The following TM7SF3 variants were observed in gnomAD, a reference collection of about 807,000 sequenced individuals.
TM7SF3 encodes transmembrane 7 superfamily member 3.
A neutral mutation model predicts 65.5 loss-of-function variants in TM7SF3; 60 were observed. The ratio of observed to expected loss-of-function variants is 0.92; its 90% CI spans 0.74 to 1.14. The LOEUF (loss-of-function observed/expected upper bound fraction) is 1.14. Ranked by LOEUF, TM7SF3 falls within the 50% of genes most tolerant of loss-of-function variation. The pLI is 0.00. For missense variants in TM7SF3, 623 were observed against 684.8 expected (o/e 0.91, Z 1.01); for synonymous variants, 264 against 259.6 (o/e 1.02, Z -0.16).
At chr12:27,004,452 G>A (rs1940954667) in intron 1 of TM7SF3, among the ~76,000 whole-genome samples, 1 of 152,158 alleles carries the variant, frequency 6.6e-6, no homozygotes, top group South Asian at 2.1e-4. Context: ...TCCCATAGTG[G>A]AACTGTCATG....
rs1163076032 is a variant in TM7SF3, at chr12:26,979,936, AC to A, written c.1037-1del. 10 of 1,613,990 alleles carry A rather than the reference AC, an allele frequency of 6.2e-6. No homozygotes were observed. The highest frequency in any genetic ancestry group is 8.5e-6 in the Non-Finnish European group (10 of 1,180,018). On this transcript the variant is annotated splice_acceptor_variant, in intron 8 of 11. Coordinates refer to ENST00000343028, the MANE Select transcript of TM7SF3 (RefSeq NM_016551.3). LOFTEE classifies it high-confidence loss of function. ...AGTGACAGCTGTCAGAATCAGATTC[AC>A]TGTACAAAGAGAGAGGATGAACTGC...
chr12:26,979,219 T>C (rs190471642), intron 9 of TM7SF3: 2 of 152,384 alleles, frequency 1.3e-5, no homozygotes, highest in East Asian at 3.9e-4. Flanking sequence ...TTTTGTTTGT[T>C]TTTGACAATA....
chr12:26,972,696 C>T lies in TM7SF3; in HGVS notation c.*1269G>A, dbSNP rs370197074. Among the ~76,000 whole-genome samples, 31 of 152,092 alleles carry T rather than the reference C, an allele frequency of 2.0e-4. No individual in the cohort carries two copies. Among genetic ancestry groups the T allele is most frequent in the African/African-American group, 6.7e-4 (28 of 41,506 alleles). On this transcript the variant is annotated 3_prime_UTR_variant, in exon 12 of 12. Coordinates refer to ENST00000343028, the MANE Select transcript of TM7SF3 (RefSeq NM_016551.3). ...AACTCCTGACCCCAGGTGATCCACC[C>T]GCCTCGACCTCCCAAAATGCTGGGA...
At chr12:27,005,528 C>G (rs1465577144) in intron 1 of TM7SF3, among the ~76,000 whole-genome samples, 1 of 152,116 alleles carries the variant, frequency 6.6e-6, no homozygotes, top group Non-Finnish European at 1.5e-5. Context: ...AGCCTTCCAT[C>G]AGAACAGTAT....
At chr12:27,007,790 T>C (rs1941096061) in intron 1 of TM7SF3, among the ~76,000 whole-genome samples, 1 of 152,168 alleles carries the variant, frequency 6.6e-6, no homozygotes, top group Non-Finnish European at 1.5e-5. Context: ...GTTCAAACAC[T>C]AGGAATTTAT....
chr12:27,006,908 A>G (rs1447988549), intron 1 of TM7SF3, among the ~76,000 whole-genome samples: 1 of 152,224 alleles, frequency 6.6e-6, no homozygotes, highest in Non-Finnish European at 1.5e-5. Context: ...ATAAATTAAT[A>G]AGAAATAAAA....
At chr12:27,010,416 A>C (rs1007727375) in intron 1 of TM7SF3, among the ~76,000 whole-genome samples, 1 of 152,270 alleles carries the variant, frequency 6.6e-6, no homozygotes, top group African/African-American at 2.4e-5. Context: ...TACGTTGAGA[A>C]AGAGACTTCC....
chr12:27,012,631 G>A (rs1334455983), intron 1 of TM7SF3: 3 of 455,854 alleles, frequency 6.6e-6, no homozygotes, highest in Non-Finnish European at 1.3e-5. Flanking sequence ...ATGAGCTGTT[G>A]CCCAAACCCA....
rs1481586180 is a variant in TM7SF3 at position 27,014,154 on chromosome 12, C to T, written c.15G>A (p.Gln5=). 5 of 1,562,948 alleles carry T rather than the reference C, an allele frequency of 3.2e-6. No homozygotes were observed. The Admixed American group carries it at 7.7e-5, about 24-fold the overall frequency. Residue 5 remains glutamine, a synonymous_variant, in exon 1 of 12, where the codon CAG becomes CAA. Coordinates refer to ENST00000343028, the MANE Select transcript of TM7SF3 (RefSeq NM_016551.3). ...ATGCCAGCACCGCTACGACCAGCAG[C>T]TGCAGGAACCCCATTGCTGCCTGGG... MGFL[Q]LLVVAVLASE... is the part of the protein sequence containing the mutation.
chr12:27,014,344 G>T lies in TM7SF3; in HGVS notation c.-176C>A. 2.5e-6 allele frequency: 1 copy of T among 395,556 alleles called. No homozygotes were observed. Among genetic ancestry groups the T allele is most frequent in the Non-Finnish European group, 4.3e-6 (1 of 230,222 alleles). 24.5% of individuals were successfully genotyped at this position (395,556 alleles called of 1,614,324 possible). ...CGCAGCCGCCGGCGCGCGCCCCGCC[G>T]AACTCCTAGCCCCAGCGAGAGGTTT... On this transcript the variant is annotated 5_prime_UTR_variant, in exon 1 of 12. Transcript: ENST00000343028.
chr12:26,983,854 T>C (rs1282800766), intron 6 of TM7SF3, among the ~76,000 whole-genome samples: 2 of 152,204 alleles, frequency 1.3e-5, no homozygotes, highest in Non-Finnish European at 2.9e-5. Flanking sequence ...TTTAGTTTAC[T>C]GAAGAGAAAA....
intron 11 of TM7SF3, among the ~76,000 whole-genome samples, chr12:26,974,506 G>A (rs1194913580): frequency 2.0e-5 from 3 of 152,148 alleles, no homozygotes; most frequent in Non-Finnish European, 4.4e-5. Flanking sequence ...CCAACATTAT[G>A]TAACAAGTAC....
chr12:27,004,079 AG>A (rs1940939711), intron 1 of TM7SF3, among the ~76,000 whole-genome samples: 1 of 152,220 alleles, frequency 6.6e-6, no homozygotes, highest in African/African-American at 2.4e-5. Flanking sequence ...GGTTATAACA[AG>A]AACAGTTTTT....
chr12:26,989,783 T>G (rs1309152929), intron 6 of TM7SF3, among the ~76,000 whole-genome samples: 1 of 152,188 alleles, frequency 6.6e-6, no homozygotes, highest in Non-Finnish European at 1.5e-5. Context: ...GCATTTCTGC[T>G]CTTGCCTCCG....
intron 5 of TM7SF3, among the ~76,000 whole-genome samples, chr12:26,994,427 A>C (rs1940504849): frequency 6.6e-6 from 1 of 152,146 alleles, no homozygotes; most frequent in African/African-American, 2.4e-5. Context: ...GCTCATTGCA[A>C]CCTCCACCTC....
chr12:27,012,806 T>C (rs1677917749), intron 1 of TM7SF3: 1 of 439,204 alleles, frequency 2.3e-6, no homozygotes, highest in Admixed American at 2.5e-5. Context: ...GAGACCAGCC[T>C]GAACAACATG....
chr12:26,978,875 T>G (rs1939683852), intron 9 of TM7SF3: 1 of 151,968 alleles, frequency 6.6e-6, no homozygotes, highest in Non-Finnish European at 1.5e-5. Context: ...GCCACCATGC[T>G]CAGCCATTAG....
Position 26,999,644 on chromosome 12 carries a change from A to G in TM7SF3, c.279T>C (p.Thr93=). ...TLLSNSSETG[T]ASGLVFILRP... The stretch of plus-strand genomic sequence containing the variant: ...TAAGGATGAAAACCAGTCCACTGGC[A>G]GTGCCTGTTTCCGAGGAATTGGAAA... The change falls in exon 3 of 12, where the codon ACT becomes ACC. Residue 93 remains threonine, a synonymous_variant. Transcript: ENST00000343028. 1 of 1,614,176 alleles carries G rather than the reference A, an allele frequency of 6.2e-7. No homozygotes were observed. Among genetic ancestry groups the G allele is most frequent in the Non-Finnish European group, 8.5e-7 (1 of 1,180,040 alleles).
chr12:26,982,702 C>T (rs1347384874), intron 7 of TM7SF3, 71 bp downstream of exon 7: 7 of 1,086,894 alleles, frequency 6.4e-6, no homozygotes, highest in Non-Finnish European at 6.7e-6. Flanking sequence ...GCTTACTCTC[C>T]TCACAGGTCA....
Sources: allele counts gnomAD v4.1 joint callset (sites outside exome capture counted in the v4.1 genomes callset), GRCh38; gene constraint gnomAD v4.1.1; transcripts MANE v1.5; gene names NCBI Gene and HGNC (gene_info 2026-07-23, HGNC 2026-07-21).